The following ERO1A variants were observed in gnomAD, a reference collection of about 807,000 sequenced individuals.
The protein encoded by ERO1A is endoplasmic reticulum oxidoreductase 1 alpha, also known as ERO1-like protein alpha.
Under a neutral mutation model 76.9 loss-of-function variants are expected in ERO1A, and 49 were observed. The observed-to-expected ratio is 0.64, with a 90% confidence interval of 0.51 to 0.81. The LOEUF (loss-of-function observed/expected upper bound fraction) is 0.81, where lower values mean the gene tolerates loss of function less well. Among genes scored for constraint, ERO1A ranks in the 30% least tolerant of loss-of-function variants. The pLI is 0.00. For missense variants in ERO1A, 448 were observed against 542.1 expected (o/e 0.83, Z 1.72); for synonymous variants, 174 against 181.2 (o/e 0.96, Z 0.32).
chr14:52,688,537 C>T (rs1243077076), intron 1 of ERO1A, among the ~76,000 whole-genome samples: 1 of 152,140 alleles, frequency 6.6e-6, no homozygotes, highest in African/African-American at 2.4e-5. Context: ...ATTATTATTA[C>T]CCTACTTCTA....
At chr14:52,693,667 T>A (rs187957241) in intron 1 of ERO1A, among the ~76,000 whole-genome samples, 98 of 152,176 alleles carry the variant, frequency 6.4e-4, no homozygotes, top group Non-Finnish European at 1.1e-3. Context: ...TTTCTTTTTT[T>A]AATTTTTTTT....
chr14:52,643,968 T>A (rs992918223), intron 15 of ERO1A, among the ~76,000 whole-genome samples: 14 of 151,938 alleles, frequency 9.2e-5, no homozygotes, highest in South Asian at 2.1e-4. Context: ...GGAGACCTGG[T>A]CTCTACAAAA....
chr14:52,681,559 T>C (rs2040995336), intron 3 of ERO1A, among the ~76,000 whole-genome samples: 1 of 151,998 alleles, frequency 6.6e-6, no homozygotes, highest in South Asian at 2.1e-4. Flanking sequence ...CCTGAGATCA[T>C]GCCACTGCAC....
In ERO1A at chr14:52,695,409, C is replaced by A; in HGVS notation, c.73G>T (p.Glu25Ter). 6.5e-7 allele frequency: 1 copy of A among 1,544,806 alleles called. No homozygotes were observed. Among genetic ancestry groups the A allele is most frequent in the South Asian group, 1.2e-5 (1 of 83,202 alleles). Residue 25 changes from glutamate (E) to a stop codon, truncating the protein, a stop_gained, in exon 1 of 16, where the codon GAG becomes TAG. Transcript: ENST00000395686. LOFTEE classifies it high-confidence loss of function. ...VWLLSSGHGEEQPPETAAQRC... is the reference protein window; with the variant it reads ...VWLLSSGHGE Reference sequence around the variant, plus strand: ...TGTGCCGCTGTCTCCGGGGGCTGCTCCTCTCCGTGGCCCGAGCTGAGCAGC... The same window carrying A: ...TGTGCCGCTGTCTCCGGGGGCTGCTACTCTCCGTGGCCCGAGCTGAGCAGC...
chr14:52,694,700 A>T (rs2041487370), intron 1 of ERO1A, among the ~76,000 whole-genome samples: 1 of 152,126 alleles, frequency 6.6e-6, no homozygotes, highest in Non-Finnish European at 1.5e-5. Context: ...AATGATCATA[A>T]TCCGCTTGTA....
At chr14:52,663,532 G>A (rs1029573420) in intron 8 of ERO1A, among the ~76,000 whole-genome samples, 41 of 150,854 alleles carry the variant, frequency 2.7e-4, no homozygotes, top group African/African-American at 9.3e-4. Flanking sequence ...CCCGGGAGGC[G>A]AAGTTTGCAG....
intron 15 of ERO1A, among the ~76,000 whole-genome samples, chr14:52,645,736 GGCTCAC>G (rs2039626663): frequency 6.6e-6 from 1 of 152,036 alleles, no homozygotes; most frequent in African/African-American, 2.4e-5. Context: ...TGGGCACAGT[GGCTCAC>G]GCCTGTAATC....
chr14:52,676,445 G>C (rs1232453242), intron 4 of ERO1A, among the ~76,000 whole-genome samples: 2 of 152,134 alleles, frequency 1.3e-5, no homozygotes, highest in Admixed American at 1.3e-4. Flanking sequence ...TATGATACAG[G>C]CCACAGCACA....
At chr14:52,644,863 C>T (rs566000112) in intron 15 of ERO1A, among the ~76,000 whole-genome samples, 1 of 152,090 alleles carries the variant, frequency 6.6e-6, no homozygotes, top group East Asian at 1.9e-4. Flanking sequence ...AACTATCTAG[C>T]CCTTGGATGC....
At chr14:52,679,533 C>A (rs767548294) in intron 3 of ERO1A, among the ~76,000 whole-genome samples, 6 of 151,824 alleles carry the variant, frequency 4.0e-5, no homozygotes, top group Non-Finnish European at 7.4e-5. Flanking sequence ...GTACCTCAGC[C>A]TCCCGAGTGG....
chr14:52,643,523 C>A lies in ERO1A; in HGVS notation c.*47G>T. 1 of 1,277,690 alleles carries A rather than the reference C, an allele frequency of 7.8e-7. No homozygotes were observed. 79.1% of individuals were successfully genotyped at this position (1,277,690 alleles called of 1,614,324 possible). ...TTATGCCTTTGAATGAAATTCCACT[C>A]TTTCGCCTCCATTGTCCAGAAACAG... On this transcript the variant is annotated 3_prime_UTR_variant, in exon 16 of 16. Transcript: ENST00000395686.
intron 6 of ERO1A, 67 bp downstream of exon 6, chr14:52,671,563 T>A (rs2040597935): frequency 1.7e-6 from 2 of 1,179,354 alleles, no homozygotes; most frequent in Admixed American, 2.2e-5. Flanking sequence ...CAGATTAAAA[T>A]AATTAAAAAC....
intron 15 of ERO1A, among the ~76,000 whole-genome samples, chr14:52,645,847 T>TACAC (rs113770296): frequency 5.2e-4 from 76 of 145,232 alleles, no homozygotes; most frequent in African/African-American, 1.4e-3. Flanking sequence ...CTACTAAAAA[T>TACAC]ACACACACAC....
At chr14:52,669,906 T>C (rs1177771235) in intron 6 of ERO1A, among the ~76,000 whole-genome samples, 1 of 152,204 alleles carries the variant, frequency 6.6e-6, no homozygotes, top group Non-Finnish European at 1.5e-5. Context: ...AGAATTTATA[T>C]CACTGTTTTC....
At chr14:52,655,854 G>A (rs976554336) in intron 11 of ERO1A, among the ~76,000 whole-genome samples, 3 of 151,954 alleles carry the variant, frequency 2.0e-5, no homozygotes, top group Admixed American at 6.6e-5. Context: ...AGCAACGCCT[G>A]CCCTTTCAGT....
rs2039480853 is a variant in ERO1A at position 52,641,683 on chromosome 14, T to G, written c.*1887A>C. The G allele has an allele frequency of 6.6e-6, 1 of 151,996 alleles. No homozygotes were observed. The allele number at this position is 151,996 out of a possible 1,614,324, so 9.4% of individuals were successfully genotyped here. On this transcript the variant is annotated 3_prime_UTR_variant, in exon 16 of 16. Coordinates refer to ENST00000395686, the MANE Select transcript of ERO1A (RefSeq NM_014584.3). ...AGAGGGACACACAAAAAATGGCCATTTGAACCCACACTGTATTTATATTTT... is the reference window on the plus strand; with the variant it reads ...AGAGGGACACACAAAAAATGGCCATGTGAACCCACACTGTATTTATATTTT...
chr14:52,669,991 A>G (rs1308173524), intron 6 of ERO1A, among the ~76,000 whole-genome samples: 3 of 152,128 alleles, frequency 2.0e-5, no homozygotes, highest in Non-Finnish European at 4.4e-5. Context: ...GTGCAATCAG[A>G]GCTCACTCCA....
intron 1 of ERO1A, among the ~76,000 whole-genome samples, chr14:52,691,003 G>A (rs961641723): frequency 3.3e-5 from 5 of 152,148 alleles, no homozygotes; most frequent in African/African-American, 1.2e-4. Flanking sequence ...CCAACCTCAG[G>A]TGATCCACGT....
Position 52,643,407 on chromosome 14 carries a change from AT to A in ERO1A, c.*162del. On this transcript the variant is annotated 3_prime_UTR_variant, in exon 16 of 16. Coordinates refer to ENST00000395686, the MANE Select transcript of ERO1A (RefSeq NM_014584.3). ...TAGTATTATACATAGACTTAACACA[AT>A]TTTTAAAAATGTGTTTACTTAAAAC... 2.0e-6 allele frequency: 1 copy of A among 490,656 alleles called. No individual in the cohort carries two copies. Among genetic ancestry groups the A allele is most frequent in the Non-Finnish European group, 3.6e-6 (1 of 279,816 alleles). 30.4% of individuals were successfully genotyped at this position (490,656 alleles called of 1,614,324 possible).
Sources: gnomAD v4.1 joint callset for allele counts (sites outside exome capture counted in the v4.1 genomes callset) on GRCh38, gnomAD v4.1.1 for gene constraint, MANE v1.5 for transcripts, NCBI Gene and HGNC (gene_info 2026-07-23, HGNC 2026-07-21) for gene names.